Variants in PPFIBP2 observed in about 807,000 individuals in gnomAD.
PPFIBP2 encodes the protein liprin-beta-2.
PPFIBP2 carries 118 observed loss-of-function variants against 118.3 expected under a neutral mutation model. The ratio of observed to expected loss-of-function variants is 1.00; its 90% CI spans 0.86 to 1.16. The LOEUF (loss-of-function observed/expected upper bound fraction) is 1.16, where lower values mean the gene tolerates loss of function less well. Ranked by LOEUF, PPFIBP2 falls within the 50% of genes most tolerant of loss-of-function variation. The pLI is 0.00. For missense variants in PPFIBP2, 1,195 were observed against 1,073.1 expected (o/e 1.11, Z -1.59); for synonymous variants, 414 against 397.4 (o/e 1.04, Z -0.50).
intron 4 of PPFIBP2, among the ~76,000 whole-genome samples, chr11:7,593,538 TC>T (rs1859740055): frequency 6.6e-6 from 1 of 152,038 alleles, no homozygotes; most frequent in Non-Finnish European, 1.5e-5. Flanking sequence ...ATGGGCCCTG[TC>T]CCCCAGAAGC....
Position 7,563,193 on chromosome 11 carries a change from C to A in PPFIBP2, c.65-2360C>A, listed in dbSNP as rs547094278. On this transcript the variant is annotated intron_variant, in intron 2 of 23. Transcript: ENST00000299492. ...CACCTTTTAGCCTGACTCACTCTTC[C>A]CACATTTATGAAATACTTAAACTGG... 3.9e-5 allele frequency among the ~76,000 whole-genome samples: 6 copies of A among 152,062 alleles called. No individual in the cohort carries two copies. The East Asian group carries it at 1.2e-3, about 29-fold the overall frequency.
At chr11:7,605,655 C>CAG in intron 5 of PPFIBP2, 2 of 1,194,778 alleles carry the variant, frequency 1.7e-6, no homozygotes, top group Non-Finnish European at 2.1e-6. Flanking sequence ...CCTCAAGGTA[C>CAG]AGAGTTGATA....
intron 2 of PPFIBP2, among the ~76,000 whole-genome samples, chr11:7,562,976 T>TACACACACACACACACAC (rs1362495585): frequency 3.0e-5 from 3 of 100,470 alleles, no homozygotes; most frequent in African/African-American, 9.9e-5. Context: ...TATATATATA[T>TACACACACACACACACAC]ACACGCACAC....
At chr11:7,545,096 G>C (rs1279161202) in intron 1 of PPFIBP2, among the ~76,000 whole-genome samples, 1 of 152,100 alleles carries the variant, frequency 6.6e-6, no homozygotes, top group Admixed American at 6.5e-5. Context: ...TTGCTTTCCT[G>C]GGATTCAGTT....
At chr11:7,617,034 C>A in intron 6 of PPFIBP2, 1 of 756,848 alleles carries the variant, frequency 1.3e-6, no homozygotes, top group Non-Finnish European at 1.6e-6. Flanking sequence ...TTCCTCTGTG[C>A]TGTTCTCTTA....
At chr11:7,527,360 A>G (rs1215570582) in intron 1 of PPFIBP2, among the ~76,000 whole-genome samples, 2 of 152,068 alleles carry the variant, frequency 1.3e-5, no homozygotes, top group East Asian at 2.0e-4. Flanking sequence ...AAGAGTGGCC[A>G]TGGAACCCCA....
At chr11:7,593,009 G>A in intron 3 of PPFIBP2, 123 bp from the exon 4 acceptor site, 1 of 1,383,218 alleles carries the variant, frequency 7.2e-7, no homozygotes, top group African/African-American at 1.5e-5. Flanking sequence ...TTGATGATTG[G>A]TTTTGTACAT....
rs770073456 is a variant in PPFIBP2, at chr11:7,641,562, T to C, written c.1459T>C (p.Ser487Pro). 1 of 1,613,948 alleles carries C rather than the reference T, an allele frequency of 6.2e-7. No homozygotes were observed. The highest frequency in any genetic ancestry group is 8.5e-7 in the Non-Finnish European group (1 of 1,179,788). The change falls in exon 16 of 24, where the codon TCT becomes CCT. Residue 487 changes from serine to proline, a missense_variant. Coordinates refer to ENST00000299492, the MANE Select transcript of PPFIBP2 (RefSeq NM_003621.5). ...TSSGTESGPQ[S>P]PLTPDGKRNP... is the part of the protein sequence containing the mutation. Reference sequence around the variant, plus strand: ...ATCGGGCACTGAATCAGGTCCTCAGTCTCCTCTGACACCAGATGGTAAACG... The same window carrying C: ...ATCGGGCACTGAATCAGGTCCTCAGCCTCCTCTGACACCAGATGGTAAACG...
At chr11:7,516,016 T>A (rs1253526826) in intron 1 of PPFIBP2, among the ~76,000 whole-genome samples, 1 of 152,218 alleles carries the variant, frequency 6.6e-6, no homozygotes, top group Non-Finnish European at 1.5e-5. Context: ...ATCATTTCCC[T>A]ATGTGTAGCA....
At chr11:7,625,756 G>T (rs746134757) in intron 7 of PPFIBP2, 21 bp from the exon 8 acceptor site, 1 of 1,606,420 alleles carries the variant, frequency 6.2e-7, no homozygotes, top group Non-Finnish European at 8.5e-7. Flanking sequence ...ACCTGGTAGG[G>T]ATCCTCTGTT....
At chr11:7,601,789 G>T (rs779252158) in intron 5 of PPFIBP2, among the ~76,000 whole-genome samples, 2 of 151,722 alleles carry the variant, frequency 1.3e-5, no homozygotes, top group Non-Finnish European at 2.9e-5. Context: ...GTGAAACCCC[G>T]TCTCTACTAA....
intron 1 of PPFIBP2, among the ~76,000 whole-genome samples, chr11:7,525,614 G>A (rs912448934): frequency 1.3e-5 from 2 of 152,210 alleles, no homozygotes; most frequent in Admixed American, 1.3e-4. Context: ...CCACGTACAG[G>A]ACAAAAGCAG....
chr11:7,609,154 C>G (rs1847761234), intron 5 of PPFIBP2, among the ~76,000 whole-genome samples: 1 of 152,178 alleles, frequency 6.6e-6, no homozygotes, highest in Admixed American at 6.5e-5. Context: ...AATTTCTGTC[C>G]CGTGTGGTTT....
intron 1 of PPFIBP2, among the ~76,000 whole-genome samples, chr11:7,523,595 A>T (rs1849961201): frequency 6.6e-6 from 1 of 152,162 alleles, no homozygotes; most frequent in Non-Finnish European, 1.5e-5. Context: ...ACAGCCACAA[A>T]TTGCACAGAT....
At chr11:7,663,662 G>T in the PPFIBP2 span, among the ~76,000 whole-genome samples, 2 of 152,254 alleles carry the variant, frequency 1.3e-5, no homozygotes, top group East Asian at 1.9e-4. Context: ...TCCTTGAGCT[G>T]TGGTGGGCTC....
the PPFIBP2 span, chr11:7,665,122 A>T: frequency 8.4e-6 from 3 of 356,664 alleles, no homozygotes; most frequent in South Asian, 1.5e-4. Context: ...ACTTGAGTTT[A>T]TTTCACAAAA....
chr11:7,625,247 T>C (rs1565079340), intron 7 of PPFIBP2, among the ~76,000 whole-genome samples: 1 of 151,988 alleles, frequency 6.6e-6, no homozygotes, highest in Non-Finnish European at 1.5e-5. Context: ...ACCCAAAGGG[T>C]AGGAGCGTGT....
intron 5 of PPFIBP2, 87 bp from the exon 6 acceptor site, chr11:7,610,204 G>C (rs1311624352): frequency 1.8e-5 from 26 of 1,465,658 alleles, no homozygotes; most frequent in African/African-American, 2.8e-5. Flanking sequence ...ACACAACTTA[G>C]GTGTTGCCTT....
At position 7,594,232 on chromosome 11, in the gene PPFIBP2, G is replaced by T. The variant is rs182042726; in HGVS notation, c.372+1008G>T. ...TAAAAACCTTTAAAATTCTAAAAAT[G>T]TGAAGAAGCAGGTTAACACTTCGGC... On this transcript the variant is annotated intron_variant, in intron 4 of 23. Transcript: ENST00000299492. 2.6e-3 allele frequency among the ~76,000 whole-genome samples: 396 copies of T among 152,192 alleles called. 4 individuals carry two copies. Among genetic ancestry groups the T allele is most frequent in the African/African-American group, 8.5e-3 (353 of 41,534 alleles).
Sources: allele counts gnomAD v4.1 joint callset (sites outside exome capture counted in the v4.1 genomes callset), GRCh38; gene constraint gnomAD v4.1.1; transcripts MANE v1.5; gene names NCBI Gene and HGNC (gene_info 2026-07-23, HGNC 2026-07-21).